SKAP1: variants seen among roughly 807,000 people sequenced by gnomAD.
SKAP1 encodes src kinase-associated phosphoprotein 1.
SKAP1 carries 44 observed loss-of-function variants against 58.5 expected under a neutral mutation model. That is an observed-to-expected ratio of 0.75 (90% CI 0.59 to 0.97). The LOEUF (loss-of-function observed/expected upper bound fraction) is 0.97. Ranked by LOEUF, SKAP1 falls within the 50% of genes least tolerant of loss-of-function variation. The pLI, the probability that SKAP1 is intolerant of heterozygous loss-of-function variation, is 0.00. For missense variants in SKAP1, 390 were observed against 435.2 expected (o/e 0.90, Z 0.92); for synonymous variants, 127 against 149.7 (o/e 0.85, Z 1.11).
At chr17:48,316,353 C>T (rs1279352436) in intron 4 of SKAP1, among the ~76,000 whole-genome samples, 2 of 152,134 alleles carry the variant, frequency 1.3e-5, no homozygotes, top group Non-Finnish European at 2.9e-5. Context: ...TACCTCAGAG[C>T]CTTTGCATCT....
intron 9 of SKAP1, among the ~76,000 whole-genome samples, chr17:48,173,714 C>T (rs187785825): frequency 1.3e-5 from 2 of 152,284 alleles, no homozygotes; most frequent in Admixed American, 1.3e-4. Flanking sequence ...CTCTTCCTCC[C>T]AATTCTAATC....
chr17:48,402,243 T>C (rs1041415005), intron 1 of SKAP1, among the ~76,000 whole-genome samples: 1 of 151,956 alleles, frequency 6.6e-6, no homozygotes, highest in Non-Finnish European at 1.5e-5. Flanking sequence ...AGAATTATCA[T>C]AGGATCCAGA....
At chr17:48,271,433 C>T (rs1345426823) in intron 4 of SKAP1, among the ~76,000 whole-genome samples, 2 of 138,588 alleles carry the variant, frequency 1.4e-5, no homozygotes, top group Non-Finnish European at 3.0e-5. Flanking sequence ...GTGGCACAAT[C>T]ACAGCTCACT....
At chr17:48,153,227 T>G (rs2063925532) in intron 11 of SKAP1, among the ~76,000 whole-genome samples, 1 of 152,220 alleles carries the variant, frequency 6.6e-6, no homozygotes, top group South Asian at 2.1e-4. Context: ...GATGAGCAAC[T>G]GGGCCTCTTG....
intron 4 of SKAP1, among the ~76,000 whole-genome samples, chr17:48,295,923 A>C (rs899698548): frequency 2.0e-5 from 3 of 152,158 alleles, no homozygotes; most frequent in African/African-American, 7.2e-5. Context: ...AACATATAAT[A>C]TATGCAAAAC....
chr17:48,381,246 A>G (rs1005107262), intron 2 of SKAP1, among the ~76,000 whole-genome samples: 1 of 152,010 alleles, frequency 6.6e-6, no homozygotes, highest in African/African-American at 2.4e-5. Context: ...CAAACTACCT[A>G]TCTGTCCTCT....
At chr17:48,356,943 CT>C (rs989530565) in intron 3 of SKAP1, among the ~76,000 whole-genome samples, 1 of 152,132 alleles carries the variant, frequency 6.6e-6, no homozygotes, top group African/African-American at 2.4e-5. Flanking sequence ...TCAAATTACC[CT>C]TTTCATCTAA....
chr17:48,193,755 T>C lies in SKAP1; in HGVS notation c.281-4255A>G, dbSNP rs907524019. 1.6e-5 allele frequency: 16 copies of C among 984,106 alleles called. No individual in the cohort carries two copies. In the African/African-American group the frequency reaches 2.6e-4, roughly 16 times the overall value. The allele number at this position is 984,106 out of a possible 1,614,324, so 61.0% of individuals were successfully genotyped here. A position where few individuals can be genotyped will look rare whatever the true frequency, so the allele number is the denominator to read the frequency against. On this transcript the variant is annotated intron_variant, in intron 4 of 12. Coordinates refer to ENST00000336915, the MANE Select transcript of SKAP1 (RefSeq NM_003726.4). ...ATGGGGTGATGAGGCAGGAATCTTGTATGCCTGGATCCACACCTACTGGTA... is the reference window on the plus strand; with the variant it reads ...ATGGGGTGATGAGGCAGGAATCTTGCATGCCTGGATCCACACCTACTGGTA...
At position 48,303,553 on chromosome 17, in the gene SKAP1, T is replaced by C. The variant is rs551596251; in HGVS notation, c.280+42352A>G. 7.2e-5 allele frequency among the ~76,000 whole-genome samples: 11 copies of C among 152,354 alleles called. No individual in the cohort carries two copies. The South Asian group carries it at 2.3e-3, about 32-fold the overall frequency. ...TTGAGTGAGTATGCTAAGACCATATTGAACACACATAAAGGAGGCAGACTT... is the reference window on the plus strand; with the variant it reads ...TTGAGTGAGTATGCTAAGACCATATCGAACACACATAAAGGAGGCAGACTT... On this transcript the variant is annotated intron_variant, in intron 4 of 12. Coordinates refer to ENST00000336915, the MANE Select transcript of SKAP1 (RefSeq NM_003726.4).
At chr17:48,233,235 T>G (rs1215667965) in intron 4 of SKAP1, among the ~76,000 whole-genome samples, 2 of 152,184 alleles carry the variant, frequency 1.3e-5, no homozygotes, top group Non-Finnish European at 2.9e-5. Context: ...ATCTCACATT[T>G]GAAAAAACTC....
intron 3 of SKAP1, 28 bp from the exon 4 acceptor site, chr17:48,346,034 G>A (rs749044252): frequency 2.1e-6 from 3 of 1,429,852 alleles, no homozygotes; most frequent in South Asian, 2.5e-5. Context: ...CAGAAAATAA[G>A]GTTAATCTTT....
intron 4 of SKAP1, among the ~76,000 whole-genome samples, chr17:48,271,854 ACTT>A (rs1019628635): frequency 3.2e-4 from 49 of 152,232 alleles, no homozygotes; most frequent in African/African-American, 1.2e-3. Flanking sequence ...TACCACTTCT[ACTT>A]CTTGTCTGAG....
At chr17:48,357,976 G>T (rs2066897631) in intron 3 of SKAP1, among the ~76,000 whole-genome samples, 1 of 152,088 alleles carries the variant, frequency 6.6e-6, no homozygotes, top group Admixed American at 6.5e-5. Context: ...ATTCAGCCTG[G>T]GTTCATTTCC....
chr17:48,201,664 G>A (rs924035661), intron 4 of SKAP1, among the ~76,000 whole-genome samples: 1 of 152,148 alleles, frequency 6.6e-6, no homozygotes, highest in Non-Finnish European at 1.5e-5. Flanking sequence ...GCCTCCCAAA[G>A]TGCTGGGATT....
intron 11 of SKAP1, among the ~76,000 whole-genome samples, chr17:48,140,182 G>A (rs1351273470): frequency 2.0e-5 from 3 of 152,066 alleles, no homozygotes; most frequent in African/African-American, 7.2e-5. Context: ...CTCTACTTAG[G>A]CTCTCTCTCC....
At chr17:48,314,260 A>AT (rs2066261291) in intron 4 of SKAP1, among the ~76,000 whole-genome samples, 1 of 152,162 alleles carries the variant, frequency 6.6e-6, no homozygotes, top group Non-Finnish European at 1.5e-5. Context: ...CCTTTATATC[A>AT]TTTTTGCATC....
intron 2 of SKAP1, among the ~76,000 whole-genome samples, chr17:48,369,424 G>A (rs980377555): frequency 6.6e-6 from 1 of 150,404 alleles, no homozygotes; most frequent in Non-Finnish European, 1.5e-5. Context: ...CTGCGAGGTT[G>A]AGGCTACAGT....
At chr17:48,406,807 C>A (rs962062457) in intron 1 of SKAP1, among the ~76,000 whole-genome samples, 3 of 152,098 alleles carry the variant, frequency 2.0e-5, no homozygotes, top group African/African-American at 7.2e-5. Context: ...CTCAAGTGAT[C>A]CGCCCGCCTC....
intron 4 of SKAP1, among the ~76,000 whole-genome samples, chr17:48,240,345 GTC>G (rs942618844): frequency 6.6e-6 from 1 of 152,128 alleles, no homozygotes; most frequent in African/African-American, 2.4e-5. Flanking sequence ...GGACCCAAAT[GTC>G]TCTCTGTAAA....
Sources: gnomAD v4.1 joint callset for allele counts (sites outside exome capture counted in the v4.1 genomes callset) on GRCh38, gnomAD v4.1.1 for gene constraint, MANE v1.5 for transcripts, NCBI Gene and HGNC (gene_info 2026-07-23, HGNC 2026-07-21) for gene names.